The following WDR64 variants were observed in gnomAD, a reference collection of about 807,000 sequenced individuals.
WDR64 encodes WD repeat-containing protein 64.
In WDR64, 112 loss-of-function variants were observed where a neutral mutation model predicts 139.3. That is an observed-to-expected ratio of 0.80 (90% confidence interval 0.69 to 0.94). The LOEUF is 0.94. Ranked by LOEUF, WDR64 falls within the 40% of genes least tolerant of loss-of-function variation. The pLI is 0.00. For missense variants in WDR64, 1,206 were observed against 1,293.1 expected (o/e 0.93, Z 1.03); for synonymous variants, 444 against 437.7 (o/e 1.01, Z -0.18).
At position 241,656,160 on chromosome 1, in the gene WDR64, G is replaced by A. The variant is rs144717938; in HGVS notation, c.145+3531G>A. ...ACGGGGCGGCCTAAGAAAGAGTGAG[G>A]AGAAGGCAGAAATGTCATCTTCACT... is the stretch of plus-strand genomic sequence containing the variant. On this transcript the variant is annotated intron_variant, in intron 1 of 27. Transcript: ENST00000437684. This position sits in a 1 kb window ranked among gnomAD's most constrained non-coding sequence, Gnocchi z 4.3. 6.6e-6 allele frequency among the ~76,000 whole-genome samples: 1 copy of A among 152,272 alleles called. No homozygotes were observed. Among genetic ancestry groups the A allele is most frequent in the Non-Finnish European group, 1.5e-5 (1 of 68,018 alleles).
intron 10 of WDR64, among the ~76,000 whole-genome samples, chr1:241,726,899 T>C (rs976078500): frequency 1.3e-5 from 2 of 151,986 alleles, no homozygotes; most frequent in Admixed American, 1.3e-4. Flanking sequence ...AAAGTTTTTT[T>C]TTTTGAGACG....
intron 8 of WDR64, among the ~76,000 whole-genome samples, chr1:241,687,887 G>T (rs1471884679): frequency 6.6e-6 from 1 of 152,116 alleles, no homozygotes; most frequent in Non-Finnish European, 1.5e-5. Flanking sequence ...ATATAGTTCT[G>T]TTGGTAAAAT....
At chr1:241,687,886 T>A (rs983600975) in intron 8 of WDR64, among the ~76,000 whole-genome samples, 1 of 152,224 alleles carries the variant, frequency 6.6e-6, no homozygotes, top group Admixed American at 6.5e-5. Flanking sequence ...AATATAGTTC[T>A]GTTGGTAAAA....
At chr1:241,771,557 G>A (rs1308317889) in intron 18 of WDR64, 104 bp from the exon 19 acceptor site, 14 of 788,202 alleles carry the variant, frequency 1.8e-5, no homozygotes, top group Middle Eastern at 6.2e-4. Context: ...TAAAAGTAAT[G>A]CTTAGAAATG....
Position 241,671,152 on chromosome 1 carries a change from A to C in WDR64, c.355A>C (p.Arg119=), listed in dbSNP as rs1165517046. The C allele has an allele frequency of 6.5e-7, 1 of 1,550,370 alleles. No individual in the cohort carries two copies. Among genetic ancestry groups the C allele is most frequent in the South Asian group, 1.2e-5 (1 of 83,656 alleles). The change falls in exon 3 of 28, where the codon AGA becomes CGA. Residue 119 remains arginine (R), a synonymous_variant. Transcript: ENST00000437684. Reference sequence around the variant, plus strand: ...AGAAAATTTGGTTTTCTTTGTGTCTAGAAAAAGGCGAATTTTAATTTCAGG... The same window carrying C: ...AGAAAATTTGGTTTTCTTTGTGTCTCGAAAAAGGCGAATTTTAATTTCAGG... ...DEENLVFFVS[R]KRRILISGSR...
chr1:241,779,969 C>A (rs41308208), intron 21 of WDR64, 35 bp from the exon 22 acceptor site: 1 of 1,508,562 alleles, frequency 6.6e-7, no homozygotes, highest in Admixed American at 2.0e-5. Context: ...AACATGATAT[C>A]TAATTAAAGA....
intron 27 of WDR64, among the ~76,000 whole-genome samples, chr1:241,797,506 G>A (rs934278118): frequency 2.0e-5 from 3 of 152,144 alleles, no homozygotes; most frequent in Non-Finnish European, 2.9e-5. Flanking sequence ...AGGAGTTGGC[G>A]TTTATTGATT....
At chr1:241,697,277 T>C (rs1667530687) in intron 8 of WDR64, among the ~76,000 whole-genome samples, 1 of 152,216 alleles carries the variant, frequency 6.6e-6, no homozygotes, top group East Asian at 1.9e-4. Context: ...ACCTGGAGCC[T>C]CAAGGGGAAT....
intron 8 of WDR64, among the ~76,000 whole-genome samples, chr1:241,704,981 G>A (rs886201449): frequency 1.3e-5 from 2 of 152,128 alleles, no homozygotes; most frequent in Non-Finnish European, 2.9e-5. Context: ...GGGCCAATGG[G>A]GGAATGCAGG....
chr1:241,773,881 A>G (rs936863185), intron 20 of WDR64, among the ~76,000 whole-genome samples: 13 of 152,360 alleles, frequency 8.5e-5, no homozygotes, highest in Admixed American at 2.6e-4. Context: ...ATATTAAAGG[A>G]TATTAATGGT....
intron 17 of WDR64, 66 bp downstream of exon 17, chr1:241,769,571 T>TG (rs1224324798): frequency 7.4e-7 from 1 of 1,358,092 alleles, no homozygotes; most frequent in African/African-American, 1.5e-5. Flanking sequence ...ATTAGGTTGA[T>TG]GCAAAATTAA....
At chr1:241,766,717 A>C (rs1473899714) in intron 16 of WDR64, among the ~76,000 whole-genome samples, 1 of 152,084 alleles carries the variant, frequency 6.6e-6, no homozygotes, top group African/African-American at 2.4e-5. Flanking sequence ...AAAAAAAAAA[A>C]AAACCTCAGG....
At chr1:241,748,256 G>A (rs1425463656) in intron 13 of WDR64, among the ~76,000 whole-genome samples, 1 of 152,194 alleles carries the variant, frequency 6.6e-6, no homozygotes. Context: ...AACCTCCTGG[G>A]CTCAGACCAT....
At chr1:241,687,396 A>T in intron 7 of WDR64, 65 bp from the exon 8 acceptor site, 1 of 1,584,466 alleles carries the variant, frequency 6.3e-7, no homozygotes, top group African/African-American at 1.3e-5. Context: ...TAAATTGCTG[A>T]ATAGAAACAT....
chr1:241,674,856 T>G, intron 4 of WDR64, 109 bp downstream of exon 4: 11 of 143,736 alleles, frequency 7.7e-5, no homozygotes, highest in Non-Finnish European at 1.1e-4. Context: ...CCTTCTTTCC[T>G]TCCTCCCTCC....
chr1:241,675,599 G>C (rs1666520369), intron 4 of WDR64, among the ~76,000 whole-genome samples: 1 of 152,154 alleles, frequency 6.6e-6, no homozygotes, highest in Non-Finnish European at 1.5e-5. Context: ...TTAATAAAAG[G>C]TCCCATCAGG....
chr1:241,777,083 A>G (rs886267255), intron 21 of WDR64, among the ~76,000 whole-genome samples: 8 of 152,116 alleles, frequency 5.3e-5, no homozygotes, highest in African/African-American at 1.7e-4. Context: ...TCATTACATC[A>G]TTAGTTGTTG....
At chr1:241,764,221 G>C (rs1450504066) in intron 15 of WDR64, among the ~76,000 whole-genome samples, 3 of 152,158 alleles carry the variant, frequency 2.0e-5, no homozygotes, top group South Asian at 2.1e-4. Context: ...GCCATGGAAG[G>C]GCTTTAAATG....
At chr1:241,772,522 G>C (rs71648660) in intron 19 of WDR64, among the ~76,000 whole-genome samples, 2 of 123,920 alleles carry the variant, frequency 1.6e-5, no homozygotes, top group Admixed American at 1.0e-4. Context: ...GAGTGTAGTA[G>C]TGCCATCTCA....
Sources: allele counts gnomAD v4.1 joint callset (sites outside exome capture counted in the v4.1 genomes callset), GRCh38; gene constraint gnomAD v4.1.1; non-coding constraint Gnocchi (gnomAD v3.1); transcripts MANE v1.5; gene names NCBI Gene and HGNC (gene_info 2026-07-23, HGNC 2026-07-21).